USP34: variants seen among roughly 807,000 people sequenced by gnomAD.
USP34 encodes the protein ubiquitin specific peptidase 34, also known as ubiquitin carboxyl-terminal hydrolase 34.
Under a neutral mutation model 460.3 loss-of-function variants are expected in USP34, and 70 were observed. That is an observed-to-expected ratio of 0.15 (90% confidence interval 0.13 to 0.19). USP34 has a LOEUF of 0.19. Among genes scored for constraint, USP34 ranks in the 10% least tolerant of loss-of-function variants. The pLI, the probability that USP34 is intolerant of heterozygous loss-of-function variation, is 1.00. For synonymous variants in USP34, 1,647 were observed against 1,405.3 expected (o/e 1.17, Z -3.85); for missense variants, 3,985 against 4,236.2 (o/e 0.94, Z 1.65).
intron 1 of USP34, among the ~76,000 whole-genome samples, chr2:61,448,609 T>A (rs773864262): frequency 2.0e-5 from 3 of 152,018 alleles, no homozygotes; most frequent in Non-Finnish European, 2.9e-5. Flanking sequence ...GTAAAAGTCA[T>A]CCCAAATGGA....
chr2:61,233,873 G>A (rs540268133), intron 57 of USP34, among the ~76,000 whole-genome samples: 348 of 151,642 alleles, frequency 2.3e-3, no homozygotes, highest in Non-Finnish European at 3.9e-3. Context: ...ATAAAGATGA[G>A]AAGTCACTTC....
At chr2:61,229,477 A>AAG in intron 59 of USP34, 71 bp downstream of exon 59, 1 of 673,354 alleles carries the variant, frequency 1.5e-6, no homozygotes, top group Non-Finnish European at 2.0e-6. Context: ...AAAAAAAAAC[A>AAG]AAAAAAAAAA....
At chr2:61,365,459 A>G (rs1399302245) in intron 10 of USP34, among the ~76,000 whole-genome samples, 3 of 152,142 alleles carry the variant, frequency 2.0e-5, no homozygotes, top group Non-Finnish European at 2.9e-5. Flanking sequence ...GCCAGCAGGA[A>G]ATGAGGAGAA....
Position 61,241,873 on chromosome 2 carries a change from A to G in USP34, c.6628-54T>C, listed in dbSNP as rs548055640. On this transcript the variant is annotated intron_variant, in intron 51 of 79. Transcript: ENST00000398571. ...TTTGAAAAAATGGGTATACTCAGCT[A>G]TATTTATATATAAATTATTTCATAA... 4.3e-5 allele frequency: 38 copies of G among 881,898 alleles called. No homozygotes were observed. The African/African-American group carries it at 5.0e-4, about 12-fold the overall frequency. 54.6% of individuals were successfully genotyped at this position (881,898 alleles called of 1,614,324 possible).
intron 1 of USP34, among the ~76,000 whole-genome samples, chr2:61,436,337 C>T (rs1018960513): frequency 6.6e-6 from 1 of 152,106 alleles, no homozygotes; most frequent in Non-Finnish European, 1.5e-5. Flanking sequence ...TAAAGACACA[C>T]ATAGACTAAA....
intron 27 of USP34, among the ~76,000 whole-genome samples, chr2:61,310,527 T>C (rs1018613064): frequency 1.3e-5 from 2 of 151,432 alleles, no homozygotes; most frequent in Admixed American, 6.6e-5. Context: ...TTTAAATATA[T>C]ATATACATAT....
intron 27 of USP34, among the ~76,000 whole-genome samples, chr2:61,305,063 C>T (rs148414316): frequency 5.9e-5 from 9 of 152,036 alleles, no homozygotes; most frequent in Admixed American, 2.0e-4. Context: ...TGGTGGCTCA[C>T]GCCTGTAATC....
intron 1 of USP34, among the ~76,000 whole-genome samples, chr2:61,454,393 G>A (rs1695371215): frequency 6.6e-6 from 1 of 152,086 alleles, no homozygotes; most frequent in African/African-American, 2.4e-5. Context: ...CAAAGTGCTG[G>A]GATTACAGGC....
At chr2:61,359,831 A>C (rs1038707429) in intron 10 of USP34, among the ~76,000 whole-genome samples, 1 of 139,564 alleles carries the variant, frequency 7.2e-6, no homozygotes, top group Non-Finnish European at 1.5e-5. Context: ...CACCCAGCCT[A>C]AAGTGCTCGG....
chr2:61,201,211 GTTTTT>G (rs59199472), intron 75 of USP34, among the ~76,000 whole-genome samples: 3 of 101,394 alleles, frequency 3.0e-5, no homozygotes, highest in Non-Finnish European at 5.8e-5. Flanking sequence ...CTCATAGAAA[GTTTTT>G]TTTTTTTTTT....
chr2:61,265,760 A>T (rs1689027295), intron 42 of USP34: 1 of 689,044 alleles, frequency 1.5e-6, no homozygotes, highest in Admixed American at 4.0e-5. Flanking sequence ...ACTTGATTTT[A>T]CTTGGCCCCA....
intron 76 of USP34, among the ~76,000 whole-genome samples, chr2:61,191,939 C>T (rs916739550): frequency 2.0e-5 from 3 of 152,168 alleles, no homozygotes; most frequent in Non-Finnish European, 4.4e-5. Context: ...GTATACTAGC[C>T]TCTGAAAGAT....
chr2:61,256,119 T>C (rs903569702), intron 48 of USP34, among the ~76,000 whole-genome samples: 4 of 152,202 alleles, frequency 2.6e-5, no homozygotes, highest in Non-Finnish European at 5.9e-5. Flanking sequence ...AAATGATCAA[T>C]GTACTTATCG....
chr2:61,316,159 T>C (rs921711299), intron 23 of USP34, among the ~76,000 whole-genome samples: 3 of 151,626 alleles, frequency 2.0e-5, no homozygotes, highest in African/African-American at 7.3e-5. Context: ...TGAGCCAAGA[T>C]TGTGCCACTG....
intron 11 of USP34, 71 bp from the exon 12 acceptor site, chr2:61,350,460 T>A (rs1691911692): frequency 1.3e-6 from 2 of 1,571,268 alleles, no homozygotes; most frequent in Non-Finnish European, 1.7e-6. Context: ...ATCCTTTTTG[T>A]CAAACTGAAA....
In USP34 at chr2:61,235,437, T is replaced by C. The variant is rs552109249; in HGVS notation, c.7032+408A>G. 2.0e-5 allele frequency among the ~76,000 whole-genome samples: 3 copies of C among 151,530 alleles called. No homozygotes were observed. In the East Asian group the frequency reaches 5.9e-4, roughly 30 times the overall value. ...GCCTCCCAGGTTCAAGCGATTCTCC[T>C]GCCTCCGCCTCCCGAGGTGCTGGGA... On this transcript the variant is annotated intron_variant, in intron 57 of 79. Transcript: ENST00000398571.
chr2:61,266,182 GA>G lies in USP34; in HGVS notation c.5434-16del. 1 of 1,597,982 alleles carries G rather than the reference GA, an allele frequency of 6.3e-7. No individual in the cohort carries two copies. On this transcript the variant is annotated splice_polypyrimidine_tract_variant and intron_variant, in intron 41 of 79. Transcript: ENST00000398571. ...CTCAAAAATTCCTGGGGAGTAAAAG[GA>G]AACATGTTATCTAAACTGAGATATT...
chr2:61,281,727 C>G (rs1376032944), intron 37 of USP34, among the ~76,000 whole-genome samples: 1 of 151,968 alleles, frequency 6.6e-6, no homozygotes, highest in African/African-American at 2.4e-5. Flanking sequence ...TTTAGAAATC[C>G]TAAAGCATGG....
At chr2:61,189,217 A>G in intron 78 of USP34, 148 bp from the exon 79 acceptor site, 1 of 826,090 alleles carries the variant, frequency 1.2e-6, no homozygotes, top group South Asian at 2.1e-5. Flanking sequence ...GAATGATAAA[A>G]CCAGAAAGCC....
Sources: gnomAD v4.1 joint callset for allele counts (sites outside exome capture counted in the v4.1 genomes callset) on GRCh38, gnomAD v4.1.1 for gene constraint, MANE v1.5 for transcripts, NCBI Gene and HGNC (gene_info 2026-07-23, HGNC 2026-07-21) for gene names.